The following TAPT1 variants were observed in gnomAD, a reference collection of about 807,000 sequenced individuals.
TAPT1 encodes the protein transmembrane anterior posterior transformation protein 1 homolog.
TAPT1 carries 28 observed loss-of-function variants against 65.6 expected under a neutral mutation model. The ratio of observed to expected loss-of-function variants is 0.43; its 90% CI spans 0.32 to 0.59. The LOEUF is 0.59. TAPT1 is among the 20% of genes least tolerant of loss of function. The pLI is 0.09. For synonymous variants in TAPT1, 278 were observed against 245.2 expected (o/e 1.13, Z -1.25); for missense variants, 563 against 679.9 (o/e 0.83, Z 1.91).
In TAPT1 at chr4:16,179,614, C is replaced by A. The variant is rs778720071; in HGVS notation, c.960G>T (p.Val320=). The change falls in exon 8 of 14, where the codon GTG becomes GTT. Residue 320 remains valine (V), a synonymous_variant. Coordinates refer to ENST00000405303, the MANE Select transcript of TAPT1 (RefSeq NM_153365.3). ...RFTNYVLLLI[V]CLRNMEQFSW... The stretch of plus-strand genomic sequence containing the variant: ...AAAACTGTTCCATGTTTCTTAGACA[C>A]ACTATCAGTAAAAGCACATAATTTG... 1.3e-6 allele frequency: 2 copies of A among 1,538,228 alleles called. No individual in the cohort carries two copies. Among genetic ancestry groups the A allele is most frequent in the Admixed American group, 2.1e-5 (1 of 47,412 alleles).
At chr4:16,178,320 T>A (rs1386540519) in intron 8 of TAPT1, among the ~76,000 whole-genome samples, 4 of 152,186 alleles carry the variant, frequency 2.6e-5, no homozygotes, top group African/African-American at 9.7e-5. Context: ...TGAAAATGTA[T>A]CTCCAAGACC....
At chr4:16,207,601 T>C (rs891672598) in intron 2 of TAPT1, among the ~76,000 whole-genome samples, 8 of 152,190 alleles carry the variant, frequency 5.3e-5, no homozygotes, top group Admixed American at 3.9e-4. Flanking sequence ...CTTCTAATCA[T>C]AGAAGAAAGT....
intron 7 of TAPT1, among the ~76,000 whole-genome samples, chr4:16,182,147 G>A (rs1748747370): frequency 6.6e-6 from 1 of 151,934 alleles, no homozygotes; most frequent in African/African-American, 2.4e-5. Flanking sequence ...GTTTTACATA[G>A]ACATTATAAA....
chr4:16,226,311 C>T lies in TAPT1; in HGVS notation c.147G>A (p.Thr49=). The change falls in exon 1 of 14, where the codon ACG becomes ACA. Residue 49 remains threonine (T), a synonymous_variant. Coordinates refer to ENST00000405303, the MANE Select transcript of TAPT1 (RefSeq NM_153365.3). ...GCCGGTCGCTCTCGTAGAAGCCCAG[C>T]GTCTCTGTGAGCTGAGGCGCCGGCG... is the stretch of plus-strand genomic sequence containing the variant. ...GPPPAPQLTE[T]LGFYESDRRR... is the part of the protein sequence containing the mutation. 4 of 1,128,382 alleles carry T rather than the reference C, an allele frequency of 3.5e-6. No individual in the cohort carries two copies. Among genetic ancestry groups the T allele is most frequent in the South Asian group, 4.2e-5 (1 of 23,544 alleles). The allele number at this position is 1,128,382 out of a possible 1,614,324, so 69.9% of individuals were successfully genotyped here.
At chr4:16,216,039 C>G (rs1750923936) in intron 1 of TAPT1, 1 of 152,152 alleles carries the variant, frequency 6.6e-6, no homozygotes, top group Admixed American at 6.5e-5. Context: ...TTTCAGAAAG[C>G]AGAGGAGATT....
At chr4:16,193,952 G>A (rs192107992) in intron 3 of TAPT1, among the ~76,000 whole-genome samples, 10 of 152,324 alleles carry the variant, frequency 6.6e-5, no homozygotes, top group Middle Eastern at 3.4e-3. Flanking sequence ...ACTATACTTA[G>A]AGCTTTTCGT....
intron 7 of TAPT1, among the ~76,000 whole-genome samples, chr4:16,184,131 C>T (rs756635088): frequency 2.0e-5 from 3 of 152,170 alleles, no homozygotes; most frequent in Middle Eastern, 3.2e-3. Context: ...GCCCTTAATA[C>T]AGAAAGAAGT....
intron 2 of TAPT1, among the ~76,000 whole-genome samples, chr4:16,203,145 C>T (rs1750137475): frequency 5.9e-5 from 9 of 152,164 alleles, no homozygotes. Flanking sequence ...TCATTAGACA[C>T]TCTTACTTGT....
At chr4:16,199,164 T>C (rs1224142175) in intron 3 of TAPT1, among the ~76,000 whole-genome samples, 1 of 152,186 alleles carries the variant, frequency 6.6e-6, no homozygotes, top group Non-Finnish European at 1.5e-5. Flanking sequence ...TCATTTAAAA[T>C]TGCTGAAACA....
At chr4:16,216,604 T>C (rs1160088708) in intron 1 of TAPT1, among the ~76,000 whole-genome samples, 5 of 152,224 alleles carry the variant, frequency 3.3e-5, no homozygotes, top group African/African-American at 7.2e-5. Context: ...GTGACATACT[T>C]GCTGCCCTAG....
At chr4:16,211,306 T>C (rs1384263234) in intron 2 of TAPT1, among the ~76,000 whole-genome samples, 1 of 152,076 alleles carries the variant, frequency 6.6e-6, no homozygotes, top group African/African-American at 2.4e-5. Context: ...ATTATTTAGG[T>C]TATCTTGCAT....
At chr4:16,171,921 G>GACCCA (rs1372768207) in intron 11 of TAPT1, among the ~76,000 whole-genome samples, 2 of 151,248 alleles carry the variant, frequency 1.3e-5, no homozygotes, top group African/African-American at 4.9e-5. Context: ...ATCATTTTAC[G>GACCCA]ACCCAATGTA....
At chr4:16,167,028 T>C (rs1747685628) in intron 12 of TAPT1, among the ~76,000 whole-genome samples, 1 of 128,756 alleles carries the variant, frequency 7.8e-6, no homozygotes, top group East Asian at 2.3e-4. Context: ...AGAGTCTCAC[T>C]CTGTCACCCA....
At chr4:16,192,263 C>T (rs1282076899) in intron 3 of TAPT1, among the ~76,000 whole-genome samples, 4 of 152,204 alleles carry the variant, frequency 2.6e-5, no homozygotes, top group African/African-American at 7.2e-5. Context: ...GGCACTGATA[C>T]AGTGTTTGAT....
rs1749912967 is a variant in TAPT1 at position 16,199,587 on chromosome 4, A to G, written c.449+2875T>C. Among the ~76,000 whole-genome samples, 3 of 151,918 alleles carry G rather than the reference A, an allele frequency of 2.0e-5. No individual in the cohort carries two copies. The South Asian group carries it at 6.2e-4, about 32-fold the overall frequency. On this transcript the variant is annotated intron_variant, in intron 3 of 13. Coordinates refer to ENST00000405303, the MANE Select transcript of TAPT1 (RefSeq NM_153365.3). ...ACATCTTTTAGTTTTTAGAACAAAC[A>G]CTTTAAGAATTTTTTTTTTTTAAAG... is the stretch of plus-strand genomic sequence containing the variant.
chr4:16,222,695 C>T (rs958287610), intron 1 of TAPT1, among the ~76,000 whole-genome samples: 14 of 152,186 alleles, frequency 9.2e-5, no homozygotes, highest in African/African-American at 3.1e-4. Context: ...AAGGGTATTG[C>T]TAAAAATTCA....
At chr4:16,174,984 T>C in intron 9 of TAPT1, 1 of 288,824 alleles carries the variant, frequency 3.5e-6, no homozygotes, top group Non-Finnish European at 6.3e-6. Context: ...CCAACGACTA[T>C]GATCCTGAGA....
At chr4:16,174,393 C>T in intron 10 of TAPT1, 121 bp from the exon 11 acceptor site, 1 of 841,626 alleles carries the variant, frequency 1.2e-6, no homozygotes, top group Non-Finnish European at 1.8e-6. Context: ...AAGAACAGAA[C>T]CTGGCACTTA....
At chr4:16,173,391 A>C (rs1219637393) in intron 11 of TAPT1, among the ~76,000 whole-genome samples, 1 of 152,154 alleles carries the variant, frequency 6.6e-6, no homozygotes, top group Non-Finnish European at 1.5e-5. Flanking sequence ...AAGTTTCAGT[A>C]GTGCTTTTGA....
Sources: gnomAD v4.1 joint callset for allele counts (sites outside exome capture counted in the v4.1 genomes callset) on GRCh38, gnomAD v4.1.1 for gene constraint, MANE v1.5 for transcripts, NCBI Gene and HGNC (gene_info 2026-07-23, HGNC 2026-07-21) for gene names.